Variants in GLYATL2 observed in about 807,000 individuals in gnomAD.
GLYATL2 encodes the protein glycine-N-acyltransferase like 2, also known as glycine N-acyltransferase-like protein 2.
A neutral mutation model predicts 21.4 loss-of-function variants in GLYATL2; 25 were observed. The ratio of observed to expected loss-of-function variants is 1.17; its 90% CI spans 0.85 to 1.63. GLYATL2 has a LOEUF of 1.63. Among genes scored for constraint, GLYATL2 ranks in the 40% most tolerant of loss-of-function variants. The pLI, the probability that GLYATL2 is intolerant of heterozygous loss-of-function variation, is 0.00. For missense variants in GLYATL2, 361 were observed against 343.3 expected (o/e 1.05, Z -0.41); for synonymous variants, 114 against 118.2 (o/e 0.96, Z 0.23).
chr11:58,895,999 C>G (rs1020539423), intron 1 of GLYATL2, among the ~76,000 whole-genome samples: 6 of 151,914 alleles, frequency 3.9e-5, no homozygotes, highest in African/African-American at 1.2e-4. Flanking sequence ...ATTACAGGCG[C>G]CCACCACCAC....
chr11:58,892,746 G>C (rs989743830), intron 1 of GLYATL2: 10 of 347,388 alleles, frequency 2.9e-5, no homozygotes, highest in African/African-American at 1.9e-4. Flanking sequence ...GCATTCCTCT[G>C]TATTATGGAA....
chr11:58,844,145 G>A lies in GLYATL2; in HGVS notation c.-41+289C>T, dbSNP rs146380999. 3.3e-3 allele frequency among the ~76,000 whole-genome samples: 496 copies of A among 152,076 alleles called. 1 individual carries two copies. The highest frequency in any genetic ancestry group is 0.012 in the African/African-American group (478 of 41,490). On this transcript the variant is annotated intron_variant, in intron 1 of 5. Coordinates refer to ENST00000287275, the MANE Select transcript of GLYATL2 (RefSeq NM_145016.4). ...ACAGTATTACTATGGAGATCTAGAG[G>A]GTGTCAGAGAAAGGTACAAGCATAT...
At chr11:58,837,987 G>A (rs556581472) in intron 3 of GLYATL2, among the ~76,000 whole-genome samples, 1 of 152,304 alleles carries the variant, frequency 6.6e-6, no homozygotes, top group East Asian at 1.9e-4. Flanking sequence ...AGAAGTCTAG[G>A]TTGGGATGTA....
At chr11:58,876,352 G>A (rs1422546415) in intron 1 of GLYATL2, among the ~76,000 whole-genome samples, 1 of 152,196 alleles carries the variant, frequency 6.6e-6, no homozygotes, top group African/African-American at 2.4e-5. Flanking sequence ...TTCCTTTGGA[G>A]GAGGAGAGTC....
intron 1 of GLYATL2, among the ~76,000 whole-genome samples, chr11:58,843,425 C>T (rs10896852): frequency 0.25 from 38,106 of 151,724 alleles, 5,147 homozygotes; most frequent in East Asian, 0.5. Context: ...AAGATGGACA[C>T]TATGATTTGG....
At chr11:58,868,470 T>C (rs605870) in intron 1 of GLYATL2, among the ~76,000 whole-genome samples, 127,593 of 148,258 alleles carry the variant, frequency 0.86, 57,004 homozygotes, top group Non-Finnish European at 0.96. Context: ...ACTCATAATT[T>C]TAGTTGGTCA....
upstream of GLYATL2, chr11:58,844,837 T>C (rs1853615232): frequency 3.3e-5 from 5 of 152,316 alleles, no homozygotes; most frequent in Middle Eastern, 3.4e-3. Context: ...ATGATGTCAG[T>C]AGAGCAAACA....
At chr11:58,836,080 A>G (rs1211595120) in intron 5 of GLYATL2, among the ~76,000 whole-genome samples, 4 of 152,188 alleles carry the variant, frequency 2.6e-5, no homozygotes, top group Non-Finnish European at 5.9e-5. Flanking sequence ...CTGATCTCAT[A>G]TTACCCAGTT....
intron 1 of GLYATL2, among the ~76,000 whole-genome samples, chr11:58,875,027 C>A (rs1237512796): frequency 6.6e-6 from 1 of 152,096 alleles, no homozygotes; most frequent in East Asian, 1.9e-4. Context: ...TGAATTGATC[C>A]CTTTACCATT....
rs146521357 is a variant in GLYATL2 at position 58,895,229 on chromosome 11, G to A, written n.60+8927C>T. Among the ~76,000 whole-genome samples, 380 of 152,310 alleles carry A rather than the reference G, an allele frequency of 2.5e-3. 4 individuals carry two copies. Among genetic ancestry groups the A allele is most frequent in the African/African-American group, 7.5e-3 (310 of 41,568 alleles). The stretch of plus-strand genomic sequence containing the variant: ...TGGATTAGAAAAACAACAAGAAAGC[G>A]TGGGAAAGAGGAAGGAGGATTTTTT... On this transcript the variant is annotated intron_variant and non_coding_transcript_variant, in intron 1 of 4. Coordinates refer to the GLYATL2 transcript ENST00000533636.
intron 1 of GLYATL2, among the ~76,000 whole-genome samples, chr11:58,880,252 A>C (rs1024057167): frequency 1.3e-5 from 2 of 152,224 alleles, no homozygotes; most frequent in African/African-American, 4.8e-5. Flanking sequence ...ATATGGGTAG[A>C]GAACACTTTT....
intron 1 of GLYATL2, among the ~76,000 whole-genome samples, chr11:58,884,337 T>G (rs992092527): frequency 6.6e-5 from 10 of 152,224 alleles, no homozygotes; most frequent in African/African-American, 2.4e-4. Flanking sequence ...GGGAAAAATC[T>G]TAAGCTGTTA....
At chr11:58,863,130 A>T (rs78035414) in intron 1 of GLYATL2, among the ~76,000 whole-genome samples, 1 of 151,836 alleles carries the variant, frequency 6.6e-6, no homozygotes, top group Non-Finnish European at 1.5e-5. Flanking sequence ...GGTGGATATT[A>T]TGCATATGTG....
At chr11:58,868,602 C>T (rs1284246644) in intron 1 of GLYATL2, among the ~76,000 whole-genome samples, 1 of 149,078 alleles carries the variant, frequency 6.7e-6, no homozygotes, top group African/African-American at 2.4e-5. Flanking sequence ...AGGACCTAGA[C>T]CACACCCCTG....
intron 1 of GLYATL2, among the ~76,000 whole-genome samples, chr11:58,862,193 T>C (rs1257869989): frequency 6.6e-6 from 1 of 152,190 alleles, no homozygotes; most frequent in African/African-American, 2.4e-5. Flanking sequence ...TTATTGGAAC[T>C]CCCTTATATG....
Position 58,867,217 on chromosome 11 carries a change from T to A in GLYATL2, n.61-28849A>T, listed in dbSNP as rs556686952. Among the ~76,000 whole-genome samples the A allele has an allele frequency of 1.0e-4, 15 of 149,118 alleles. 3 individuals carry two copies. In the South Asian group the frequency reaches 3.0e-3, roughly 30 times the overall value. On this transcript the variant is annotated intron_variant and non_coding_transcript_variant, in intron 1 of 4. Transcript: ENST00000533636. ...AAGATAGGCCAACACATAGATAATATAATAGATTTAAAATGTGTATATTTT... is the reference window on the plus strand; with the variant it reads ...AAGATAGGCCAACACATAGATAATAAAATAGATTTAAAATGTGTATATTTT...
intron 1 of GLYATL2, among the ~76,000 whole-genome samples, chr11:58,889,467 C>A (rs1431164756): frequency 1.3e-5 from 2 of 151,988 alleles, no homozygotes; most frequent in Non-Finnish European, 2.9e-5. Flanking sequence ...TGTCTCATTC[C>A]TGATTTTAAT....
chr11:58,882,378 T>C (rs920108511), intron 1 of GLYATL2, among the ~76,000 whole-genome samples: 2 of 152,240 alleles, frequency 1.3e-5, no homozygotes, highest in African/African-American at 4.8e-5. Context: ...ATAAATGTCT[T>C]CTTTTGAGAA....
chr11:58,848,104 G>A (rs1943294), upstream of GLYATL2, among the ~76,000 whole-genome samples: 134,356 of 151,340 alleles, frequency 0.89, 60,775 homozygotes, highest in Non-Finnish European at 0.98. Context: ...CTATTGAGGC[G>A]GTACCTTTAT....
Sources: gnomAD v4.1 joint callset for allele counts (sites outside exome capture counted in the v4.1 genomes callset) on GRCh38, gnomAD v4.1.1 for gene constraint, MANE v1.5 for transcripts, NCBI Gene and HGNC (gene_info 2026-07-23, HGNC 2026-07-21) for gene names.